Variants in TMEM132B observed in about 807,000 individuals in gnomAD.
TMEM132B encodes the protein transmembrane protein 132B.
A neutral mutation model predicts 90.8 loss-of-function variants in TMEM132B; 18 were observed. The observed-to-expected ratio is 0.20, with a 90% CI of 0.14 to 0.29. The LOEUF is 0.29. Ranked by LOEUF, TMEM132B falls within the 10% of genes least tolerant of loss-of-function variation. The pLI is 1.00. For synonymous variants in TMEM132B, 504 were observed against 523.3 expected (o/e 0.96, Z 0.50); for missense variants, 1,096 against 1,326.8 (o/e 0.83, Z 2.70).
At chr12:125,518,682 C>T (rs954971655) in intron 3 of TMEM132B, among the ~76,000 whole-genome samples, 2 of 152,216 alleles carry the variant, frequency 1.3e-5, no homozygotes, top group Non-Finnish European at 2.9e-5. Flanking sequence ...CATACAAATA[C>T]CATAATCACA....
At chr12:125,220,260 G>C (rs1244472817) in intron 1 of TMEM132B, among the ~76,000 whole-genome samples, 1 of 152,178 alleles carries the variant, frequency 6.6e-6, no homozygotes, top group Non-Finnish European at 1.5e-5. Flanking sequence ...CAGGGTTTGG[G>C]AAGGGGCCTC....
intron 4 of TMEM132B, among the ~76,000 whole-genome samples, chr12:125,576,961 C>T (rs1428948823): frequency 2.0e-5 from 3 of 148,974 alleles, no homozygotes; most frequent in Non-Finnish European, 4.5e-5. Flanking sequence ...TCCTGTGATG[C>T]CTTTCTTTTT....
chr12:125,416,547 GTGAA>G (rs1398599847), intron 3 of TMEM132B, among the ~76,000 whole-genome samples: 1 of 152,248 alleles, frequency 6.6e-6, no homozygotes, highest in African/African-American at 2.4e-5. Context: ...GAGGCCTTCT[GTGAA>G]TGAATGAAGG....
chr12:125,224,970 G>A (rs1873644862), intron 1 of TMEM132B, among the ~76,000 whole-genome samples: 1 of 152,150 alleles, frequency 6.6e-6, no homozygotes, highest in Non-Finnish European at 1.5e-5. Context: ...TCTTCTAAAG[G>A]GGATTGCTGT....
intron 1 of TMEM132B, among the ~76,000 whole-genome samples, chr12:125,203,780 A>C (rs528999320): frequency 6.6e-6 from 1 of 152,366 alleles, no homozygotes; most frequent in South Asian, 2.1e-4. Flanking sequence ...ATAGGTTGGC[A>C]GACATGGATG....
intron 5 of TMEM132B, among the ~76,000 whole-genome samples, chr12:125,610,744 TA>T (rs778680327): frequency 2.0e-5 from 3 of 152,042 alleles, no homozygotes; most frequent in South Asian, 2.1e-4. Flanking sequence ...AACAAATGGT[TA>T]AAAAAATAAA....
chr12:125,476,689 C>T (rs755359829), intron 3 of TMEM132B, among the ~76,000 whole-genome samples: 5 of 152,052 alleles, frequency 3.3e-5, no homozygotes, highest in Admixed American at 6.6e-5. Flanking sequence ...CAAACCTAGG[C>T]GAAGAATTGC....
chr12:125,404,284 AGAGCAC>A (rs1263838105), intron 2 of TMEM132B, among the ~76,000 whole-genome samples: 2 of 152,170 alleles, frequency 1.3e-5, no homozygotes, highest in Admixed American at 1.3e-4. Flanking sequence ...GATGTTCTCT[AGAGCAC>A]CCCTTATGAA....
intron 1 of TMEM132B, among the ~76,000 whole-genome samples, chr12:125,323,837 A>G (rs779012589): frequency 1.3e-5 from 2 of 152,216 alleles, no homozygotes; most frequent in Non-Finnish European, 2.9e-5. Flanking sequence ...CTTAATGAAG[A>G]AAATGGTAGT....
At chr12:125,433,855 A>G (rs1880618175) in intron 3 of TMEM132B, among the ~76,000 whole-genome samples, 1 of 152,132 alleles carries the variant, frequency 6.6e-6, no homozygotes, top group Non-Finnish European at 1.5e-5. Context: ...TTCGCAATGT[A>G]ATGCCATGTA....
chr12:125,342,633 T>A (rs1877221390), intron 1 of TMEM132B, among the ~76,000 whole-genome samples: 1 of 152,164 alleles, frequency 6.6e-6, no homozygotes, highest in African/African-American at 2.4e-5. Flanking sequence ...CCACTTCCTC[T>A]CTCTCCCTGT....
intron 1 of TMEM132B, among the ~76,000 whole-genome samples, chr12:125,339,450 T>C (rs1474309864): frequency 2.6e-5 from 4 of 152,116 alleles, no homozygotes; most frequent in Non-Finnish European, 5.9e-5. Flanking sequence ...TGTTGGCAAA[T>C]AGAGCAAGGA....
intron 4 of TMEM132B, among the ~76,000 whole-genome samples, chr12:125,526,202 C>A (rs1883454981): frequency 6.6e-6 from 1 of 152,210 alleles, no homozygotes; most frequent in South Asian, 2.1e-4. Context: ...CACTGTAAAT[C>A]CCCTCTGGCT....
At chr12:125,488,973 C>G (rs1189483858) in intron 3 of TMEM132B, among the ~76,000 whole-genome samples, 1 of 152,184 alleles carries the variant, frequency 6.6e-6, no homozygotes, top group East Asian at 1.9e-4. Context: ...CGGAATAAGG[C>G]TGAATTGGAA....
At chr12:125,272,019 C>T (rs190458187) in intron 1 of TMEM132B, among the ~76,000 whole-genome samples, 49 of 152,202 alleles carry the variant, frequency 3.2e-4, no homozygotes, top group South Asian at 2.3e-3. Flanking sequence ...AGCTAGATAC[C>T]GCGGCTTGCC....
intron 1 of TMEM132B, among the ~76,000 whole-genome samples, chr12:125,218,330 C>T (rs1045197945): frequency 5.9e-5 from 9 of 152,078 alleles, no homozygotes; most frequent in East Asian, 5.8e-4. Context: ...AGCTCTCAAT[C>T]GTCCTTTCCC....
At chr12:125,637,039 T>G (rs1410586660) in intron 5 of TMEM132B, among the ~76,000 whole-genome samples, 1 of 152,244 alleles carries the variant, frequency 6.6e-6, no homozygotes, top group East Asian at 1.9e-4. Context: ...TATTTCTCCC[T>G]GAAGAATCAT....
At chr12:125,242,856 A>G (rs983315372) in intron 1 of TMEM132B, among the ~76,000 whole-genome samples, 1 of 152,060 alleles carries the variant, frequency 6.6e-6, no homozygotes, top group Non-Finnish European at 1.5e-5. Flanking sequence ...TAAACACATA[A>G]CATAACATTT....
intron 1 of TMEM132B, among the ~76,000 whole-genome samples, chr12:125,187,132 C>A (rs541505723): frequency 4.6e-5 from 7 of 152,330 alleles, no homozygotes; most frequent in African/African-American, 1.7e-4. Flanking sequence ...GGCACTCAGC[C>A]TCTCGAGGCG....
Sources: gnomAD v4.1 joint callset for allele counts (sites outside exome capture counted in the v4.1 genomes callset) on GRCh38, gnomAD v4.1.1 for gene constraint, MANE v1.5 for transcripts, NCBI Gene and HGNC (gene_info 2026-07-23, HGNC 2026-07-21) for gene names.